ZNF438: variants seen among roughly 807,000 people sequenced by gnomAD.
The protein encoded by ZNF438 is zinc finger protein 438.
ZNF438 carries 25 observed loss-of-function variants against 38.0 expected under a neutral mutation model. The ratio of observed to expected loss-of-function variants is 0.66; its 90% CI spans 0.48 to 0.92. The LOEUF is 0.92. Among genes scored for constraint, ZNF438 ranks in the 40% least tolerant of loss-of-function variants. ZNF438 has a pLI of 0.00. For missense variants in ZNF438, 1,007 were observed against 999.6 expected, an observed-to-expected ratio of 1.01 and a Z score of -0.10; for synonymous variants, 372 against 364.1, an observed-to-expected ratio of 1.02 and a Z score of -0.25.
chr10:31,030,202 C>G (rs1032530022), intron 1 of ZNF438, among the ~76,000 whole-genome samples: 1 of 152,192 alleles, frequency 6.6e-6, no homozygotes, highest in Non-Finnish European at 1.5e-5. Context: ...AGTGTCCCTG[C>G]CTTTGAATGG....
intron 1 of ZNF438, among the ~76,000 whole-genome samples, chr10:30,957,175 A>G (rs1055130972): frequency 6.6e-6 from 1 of 152,068 alleles, no homozygotes; most frequent in Admixed American, 6.5e-5. Context: ...GTCTGTTGCC[A>G]TTTGCATGTC....
chr10:30,895,879 T>C (rs1305335701), intron 3 of ZNF438, among the ~76,000 whole-genome samples: 12 of 152,172 alleles, frequency 7.9e-5, no homozygotes, highest in South Asian at 4.1e-4. Context: ...TATGGAGGAA[T>C]TGAAACTCTT....
chr10:31,021,418 G>C (rs907150991), intron 1 of ZNF438, among the ~76,000 whole-genome samples: 2 of 152,084 alleles, frequency 1.3e-5, no homozygotes, highest in African/African-American at 2.4e-5. Context: ...TACTGAAAAA[G>C]AAAAATATTC....
At chr10:30,910,811 C>T (rs1384655377) in intron 2 of ZNF438, among the ~76,000 whole-genome samples, 2 of 151,570 alleles carry the variant, frequency 1.3e-5, no homozygotes, top group South Asian at 2.1e-4. Flanking sequence ...GTTCCTAGGC[C>T]AATCTAAATT....
chr10:30,851,558 G>T (rs2033636132), intron 4 of ZNF438, among the ~76,000 whole-genome samples: 1 of 152,160 alleles, frequency 6.6e-6, no homozygotes, highest in African/African-American at 2.4e-5. Context: ...TCAAATTTTG[G>T]AAAAGTAGTA....
intron 1 of ZNF438, among the ~76,000 whole-genome samples, chr10:31,018,219 C>T (rs1484348195): frequency 6.6e-6 from 1 of 152,210 alleles, no homozygotes; most frequent in Non-Finnish European, 1.5e-5. Flanking sequence ...CCCCATATTA[C>T]TGGCCTCTCA....
chr10:31,015,472 C>T (rs1220860646), intron 1 of ZNF438, among the ~76,000 whole-genome samples: 6 of 152,084 alleles, frequency 3.9e-5, no homozygotes, highest in African/African-American at 1.2e-4. Flanking sequence ...GGTGAAACCC[C>T]GTCTCTACTA....
At chr10:31,024,416 G>A (rs2056805998) in intron 1 of ZNF438, among the ~76,000 whole-genome samples, 1 of 152,168 alleles carries the variant, frequency 6.6e-6, no homozygotes, top group Non-Finnish European at 1.5e-5. Context: ...CACGAGGTCA[G>A]GAGATCGAGA....
intron 2 of ZNF438, among the ~76,000 whole-genome samples, chr10:30,936,526 T>C (rs2046273924): frequency 6.6e-6 from 1 of 151,266 alleles, no homozygotes; most frequent in African/African-American, 2.4e-5. Flanking sequence ...ATACAAAAAT[T>C]AGCCAGGCAT....
At chr10:30,901,215 G>T (rs2041939484) in intron 3 of ZNF438, among the ~76,000 whole-genome samples, 1 of 152,144 alleles carries the variant, frequency 6.6e-6, no homozygotes, top group South Asian at 2.1e-4. Flanking sequence ...TCTGTGTGCT[G>T]GCATCCTAAA....
intron 1 of ZNF438, among the ~76,000 whole-genome samples, chr10:31,005,269 ATATG>A (rs1307986021): frequency 2.6e-5 from 4 of 152,154 alleles, no homozygotes; most frequent in Non-Finnish European, 5.9e-5. Flanking sequence ...GTGTGTGTAC[ATATG>A]TGTGTGTGTA....
At chr10:30,846,978 C>T (rs570679592) in intron 5 of ZNF438, among the ~76,000 whole-genome samples, 1 of 152,332 alleles carries the variant, frequency 6.6e-6, no homozygotes, top group South Asian at 2.1e-4. Context: ...CCCCATTGGC[C>T]TGCTCCAGAC....
chr10:30,977,857 C>A (rs1456822074), intron 1 of ZNF438, among the ~76,000 whole-genome samples: 1 of 151,690 alleles, frequency 6.6e-6, no homozygotes, highest in Non-Finnish European at 1.5e-5. Context: ...GTGGCGGGCA[C>A]CTGTAGTCCC....
intron 4 of ZNF438, among the ~76,000 whole-genome samples, chr10:30,852,637 A>G (rs185320860): frequency 2.6e-3 from 398 of 152,354 alleles, no homozygotes; most frequent in Non-Finnish European, 3.2e-3. Flanking sequence ...ATTTATATTG[A>G]CCAGTTTATT....
chr10:30,974,566 C>G (rs537448986), intron 1 of ZNF438, among the ~76,000 whole-genome samples: 1 of 152,278 alleles, frequency 6.6e-6, no homozygotes, highest in South Asian at 2.1e-4. Flanking sequence ...TAGGGACAAT[C>G]GACTGCAACA....
intron 3 of ZNF438, among the ~76,000 whole-genome samples, chr10:30,883,959 A>G (rs1164206317): frequency 1.3e-5 from 2 of 152,194 alleles, no homozygotes; most frequent in Non-Finnish European, 2.9e-5. Context: ...CATGAGAAAA[A>G]TTACCCAATA....
intron 4 of ZNF438, among the ~76,000 whole-genome samples, chr10:30,876,097 A>G (rs1165733865): frequency 6.6e-6 from 1 of 152,220 alleles, no homozygotes; most frequent in East Asian, 1.9e-4. Context: ...GTTAAGTGGT[A>G]GGACTGAGTT....
At chr10:31,008,932 T>C (rs1016097467) in intron 1 of ZNF438, among the ~76,000 whole-genome samples, 5 of 152,230 alleles carry the variant, frequency 3.3e-5, no homozygotes, top group African/African-American at 9.6e-5. Flanking sequence ...ACACTTGTTA[T>C]CTGCTTTTGA....
intron 3 of ZNF438, among the ~76,000 whole-genome samples, chr10:30,907,501 G>A (rs1304107360): frequency 6.6e-6 from 1 of 152,132 alleles, no homozygotes; most frequent in Non-Finnish European, 1.5e-5. Context: ...TGGGTTTTGT[G>A]TGTGTGAAGG....
Sources: allele counts gnomAD v4.1 joint callset (sites outside exome capture counted in the v4.1 genomes callset), GRCh38; gene constraint gnomAD v4.1.1; transcripts MANE v1.5; gene names NCBI Gene and HGNC (gene_info 2026-07-23, HGNC 2026-07-21).